Variants in ZNF438 observed in about 807,000 individuals in gnomAD.
ZNF438 encodes zinc finger protein 438.
A neutral mutation model predicts 38.0 loss-of-function variants in ZNF438; 25 were observed. The ratio of observed to expected loss-of-function variants is 0.66; its 90% CI spans 0.48 to 0.92. The LOEUF is 0.92. Ranked by LOEUF, ZNF438 falls within the 40% of genes least tolerant of loss-of-function variation. ZNF438 has a pLI of 0.00. For synonymous variants in ZNF438, 372 were observed against 364.1 expected, an observed-to-expected ratio of 1.02 and a Z score of -0.25; for missense variants, 1,007 against 999.6, an observed-to-expected ratio of 1.01 and a Z score of -0.10.
intron 1 of ZNF438, among the ~76,000 whole-genome samples, chr10:31,020,331 CAA>C (rs2056499208): frequency 1.3e-5 from 2 of 152,040 alleles, no homozygotes; most frequent in African/African-American, 4.8e-5. Context: ...CTCCAGAAAA[CAA>C]AAGAGAGTCT....
At chr10:30,984,147 C>A (rs763800545) in intron 1 of ZNF438, among the ~76,000 whole-genome samples, 16 of 152,016 alleles carry the variant, frequency 1.1e-4, no homozygotes, top group Admixed American at 5.9e-4. Flanking sequence ...AATTATTATA[C>A]AAATAAGCCT....
intron 1 of ZNF438, among the ~76,000 whole-genome samples, chr10:30,948,612 T>A (rs1268399559): frequency 1.3e-5 from 2 of 149,338 alleles, no homozygotes; most frequent in East Asian, 3.9e-4. Flanking sequence ...TGCAGAAGCC[T>A]CAGGAGCCGA....
intron 2 of ZNF438, among the ~76,000 whole-genome samples, chr10:30,933,995 A>C (rs2045963133): frequency 6.6e-6 from 1 of 151,808 alleles, no homozygotes; most frequent in Admixed American, 6.6e-5. Context: ...AAATACAAAA[A>C]ATTAGCCGGG....
intron 1 of ZNF438, among the ~76,000 whole-genome samples, chr10:30,976,945 C>T (rs1478153965): frequency 1.3e-5 from 2 of 151,996 alleles, no homozygotes; most frequent in Non-Finnish European, 2.9e-5. Context: ...TAAAGTTCAA[C>T]AACATAATAG....
chr10:31,013,866 G>T (rs971321646), intron 1 of ZNF438, among the ~76,000 whole-genome samples: 1 of 151,986 alleles, frequency 6.6e-6, no homozygotes, highest in Admixed American at 6.6e-5. Context: ...CTTCCTATTT[G>T]CCTCTTTTCC....
At chr10:31,025,816 G>A (rs998886824) in intron 1 of ZNF438, among the ~76,000 whole-genome samples, 3 of 151,904 alleles carry the variant, frequency 2.0e-5, no homozygotes, top group African/African-American at 7.3e-5. Context: ...GTGAAATGAA[G>A]CAAAAATAAG....
chr10:30,950,572 A>G (rs1330186769), intron 1 of ZNF438, among the ~76,000 whole-genome samples: 3 of 151,866 alleles, frequency 2.0e-5, no homozygotes, highest in Non-Finnish European at 2.9e-5. Flanking sequence ...GGATATCACC[A>G]CCGATCCCAC....
At chr10:30,869,074 A>C (rs1213907727) in intron 4 of ZNF438, among the ~76,000 whole-genome samples, 1 of 152,230 alleles carries the variant, frequency 6.6e-6, no homozygotes. Flanking sequence ...TTCAGGCAAC[A>C]GAAATACAGC....
chr10:30,902,890 C>T (rs1320614649), intron 3 of ZNF438, among the ~76,000 whole-genome samples: 1 of 152,216 alleles, frequency 6.6e-6, no homozygotes, highest in African/African-American at 2.4e-5. Flanking sequence ...TCAGGTGGTG[C>T]AGGAGCCCAT....
intron 1 of ZNF438, among the ~76,000 whole-genome samples, chr10:31,025,068 T>A (rs2056851396): frequency 6.6e-6 from 1 of 152,112 alleles, no homozygotes; most frequent in Non-Finnish European, 1.5e-5. Context: ...CCAAATTAGC[T>A]CAGCTATCCA....
chr10:30,876,556 C>A (rs2038451312), intron 4 of ZNF438, among the ~76,000 whole-genome samples: 1 of 152,074 alleles, frequency 6.6e-6, no homozygotes, highest in African/African-American at 2.4e-5. Context: ...GGGAAACAGG[C>A]AAAGAAATGT....
At chr10:30,938,777 C>CTTTA (rs61394565) in intron 2 of ZNF438, among the ~76,000 whole-genome samples, 4,908 of 149,654 alleles carry the variant, frequency 0.033, 131 homozygotes, top group African/African-American at 0.066. Flanking sequence ...GGGAAGCAAA[C>CTTTA]TTTATTTATT....
intron 1 of ZNF438, among the ~76,000 whole-genome samples, chr10:30,979,133 A>G (rs764602495): frequency 4.6e-5 from 7 of 152,234 alleles, no homozygotes; most frequent in Non-Finnish European, 8.8e-5. Context: ...TCAGAGAAAA[A>G]GATTCCTTTC....
At chr10:30,844,734 G>C (rs926607947) in exon 6 of ZNF438, 1 of 495,472 alleles carries the variant, frequency 2.0e-6, no homozygotes, top group Non-Finnish European at 3.5e-6. Context: ...AAGATATTAA[G>C]AATCAGTACG....
chr10:30,885,857 G>A (rs2039885793), intron 3 of ZNF438, among the ~76,000 whole-genome samples: 1 of 152,098 alleles, frequency 6.6e-6, no homozygotes, highest in Non-Finnish European at 1.5e-5. Context: ...GGAAAGGAAC[G>A]AACCTGGGAA....
chr10:30,946,089 G>C (rs2047376593), intron 1 of ZNF438, among the ~76,000 whole-genome samples: 1 of 150,274 alleles, frequency 6.7e-6, no homozygotes, highest in African/African-American at 2.5e-5. Context: ...TTTAATGATT[G>C]CCATTCTAAC....
At chr10:30,985,938 G>A (rs2052732187) in intron 1 of ZNF438, among the ~76,000 whole-genome samples, 1 of 152,120 alleles carries the variant, frequency 6.6e-6, no homozygotes, top group Admixed American at 6.6e-5. Context: ...ATATGATGGA[G>A]GTGGTCCCAT....
chr10:30,911,140 T>C (rs1775716678), intron 2 of ZNF438, among the ~76,000 whole-genome samples: 1 of 152,132 alleles, frequency 6.6e-6, no homozygotes, highest in Admixed American at 6.6e-5. Context: ...AGAACATCTA[T>C]TTAGTAAGGT....
intron 1 of ZNF438, among the ~76,000 whole-genome samples, chr10:30,967,143 A>G (rs990095248): frequency 1.2e-4 from 19 of 152,326 alleles, no homozygotes; most frequent in African/African-American, 4.6e-4. Flanking sequence ...CTGCTGACCC[A>G]TTCTTATGCT....
Sources: gnomAD v4.1 joint callset for allele counts (sites outside exome capture counted in the v4.1 genomes callset) on GRCh38, gnomAD v4.1.1 for gene constraint, MANE v1.5 for transcripts, NCBI Gene and HGNC (gene_info 2026-07-23, HGNC 2026-07-21) for gene names.